ZBBX: variants seen among roughly 807,000 people sequenced by gnomAD.
ZBBX encodes the protein zinc finger B-box domain containing.
Under a neutral mutation model 108.5 loss-of-function variants are expected in ZBBX, and 101 were observed. The observed-to-expected ratio is 0.93, with a 90% CI of 0.79 to 1.10. The LOEUF is 1.10. ZBBX is among the 50% of genes least tolerant of loss of function. The pLI is 0.00. For synonymous variants in ZBBX, 356 were observed against 323.4 expected (o/e 1.10, Z -1.08); for missense variants, 1,009 against 941.4 (o/e 1.07, Z -0.94).
At chr3:167,257,872 T>C (rs1723803095) in intron 20 of ZBBX, among the ~76,000 whole-genome samples, 1 of 152,148 alleles carries the variant, frequency 6.6e-6, no homozygotes, top group Admixed American at 6.6e-5. Flanking sequence ...ACTGATTTGT[T>C]TGAGTTCATT....
intron 6 of ZBBX, among the ~76,000 whole-genome samples, chr3:167,363,916 T>C (rs1424204107): frequency 6.6e-6 from 1 of 152,136 alleles, no homozygotes; most frequent in African/African-American, 2.4e-5. Flanking sequence ...TAGGTATCAT[T>C]ACAAAGTGGT....
chr3:167,273,673 T>C (rs1253384669), intron 20 of ZBBX, among the ~76,000 whole-genome samples: 1 of 152,082 alleles, frequency 6.6e-6, no homozygotes, highest in East Asian at 1.9e-4. Flanking sequence ...TACTGGACAC[T>C]CTGCCAGGTA....
At chr3:167,377,084 A>G (rs891960571) in intron 2 of ZBBX, among the ~76,000 whole-genome samples, 7 of 152,160 alleles carry the variant, frequency 4.6e-5, no homozygotes, top group African/African-American at 1.7e-4. Context: ...ATTTCTAGTT[A>G]CCTGATTTAT....
At chr3:167,230,215 T>C in the ZBBX span, among the ~76,000 whole-genome samples, 1 of 151,840 alleles carries the variant, frequency 6.6e-6, no homozygotes, top group Non-Finnish European at 1.5e-5. Context: ...GTGCTCAACA[T>C]ATGATATGGA....
At chr3:167,372,264 G>C (rs926885627) in intron 4 of ZBBX, among the ~76,000 whole-genome samples, 4 of 151,946 alleles carry the variant, frequency 2.6e-5, no homozygotes, top group African/African-American at 9.7e-5. Context: ...TGATATTGAA[G>C]AGGAAAGCCC....
the ZBBX span, among the ~76,000 whole-genome samples, chr3:167,195,905 C>G: frequency 6.6e-6 from 1 of 152,170 alleles, no homozygotes; most frequent in Non-Finnish European, 1.5e-5. Context: ...TTTATCTTCT[C>G]TGTGTTAAAT....
intron 1 of ZBBX, among the ~76,000 whole-genome samples, chr3:167,390,686 T>C (rs1352380956): frequency 6.6e-6 from 1 of 152,254 alleles, no homozygotes; most frequent in East Asian, 1.9e-4. Context: ...TTTGTAGTTT[T>C]CATTGAAGAG....
intron 16 of ZBBX, among the ~76,000 whole-genome samples, chr3:167,312,719 CT>C (rs1481334413): frequency 1.3e-5 from 2 of 152,190 alleles, no homozygotes; most frequent in African/African-American, 4.8e-5. Flanking sequence ...CTATACTCAT[CT>C]TCAGGACAAG....
chr3:167,250,034 A>G (rs1055910090), intron 20 of ZBBX, among the ~76,000 whole-genome samples: 1 of 152,170 alleles, frequency 6.6e-6, no homozygotes, highest in African/African-American at 2.4e-5. Context: ...TGGAAAGGCT[A>G]AGAGCGGCCT....
At chr3:167,218,478 G>T in the ZBBX span, among the ~76,000 whole-genome samples, 20 of 151,968 alleles carry the variant, frequency 1.3e-4, no homozygotes, top group Non-Finnish European at 5.9e-5. Flanking sequence ...AAATGCCAGG[G>T]AATTGCCTTA....
chr3:167,372,278 G>A (rs1473017501), intron 4 of ZBBX, among the ~76,000 whole-genome samples: 1 of 152,054 alleles, frequency 6.6e-6, no homozygotes, highest in Non-Finnish European at 1.5e-5. Context: ...AAAGCCCTAA[G>A]TATTTCCAGT....
the ZBBX span, among the ~76,000 whole-genome samples, chr3:167,187,100 G>A: frequency 0.013 from 2,032 of 152,178 alleles, 22 homozygotes; most frequent in South Asian, 0.026. Flanking sequence ...GTTTGCTACC[G>A]TAGACCCAAG....
At chr3:167,300,529 C>G (rs1732458411) in intron 17 of ZBBX, among the ~76,000 whole-genome samples, 1 of 151,974 alleles carries the variant, frequency 6.6e-6, no homozygotes, top group African/African-American at 2.4e-5. Context: ...ATATTTTATA[C>G]TGAGCAATGG....
intron 15 of ZBBX, 24 bp downstream of exon 15, chr3:167,315,726 C>T (rs920986027): frequency 6.4e-7 from 1 of 1,570,704 alleles, no homozygotes; most frequent in Non-Finnish European, 8.7e-7. Flanking sequence ...AATATGCACA[C>T]AAAGTTAATT....
chr3:167,213,919 T>C, the ZBBX span, among the ~76,000 whole-genome samples: 14 of 152,236 alleles, frequency 9.2e-5, no homozygotes, highest in Non-Finnish European at 1.9e-4. Context: ...CCAAGAATCT[T>C]ATATCCAGCC....
At chr3:167,399,624 T>C (rs774230118) in intron 1 of ZBBX, 1 of 152,148 alleles carries the variant, frequency 6.6e-6, no homozygotes, top group Non-Finnish European at 1.5e-5. Context: ...GACCTTAGCA[T>C]GTGCAAGGTC....
intron 11 of ZBBX, among the ~76,000 whole-genome samples, chr3:167,323,915 A>C (rs1342173135): frequency 6.6e-6 from 1 of 152,136 alleles, no homozygotes; most frequent in East Asian, 1.9e-4. Flanking sequence ...CCTTTCACAT[A>C]GAAGGAAATG....
Position 167,359,935 on chromosome 3 carries a change from C to G in ZBBX, c.367G>C (p.Glu123Gln), listed in dbSNP as rs752684774. The change falls in exon 8 of 22, where the codon GAA becomes CAA. Residue 123 changes from glutamate to glutamine, a missense_variant. Transcript: ENST00000675490. Reference protein sequence around the residue: ...TVNYKMANSSECEKPKINGKV... With the variant: ...TVNYKMANSSQCEKPKINGKV... The stretch of plus-strand genomic sequence containing the variant: ...CCATTTATCTTGGGTTTTTCACATT[C>G]TGAAGAATTTGCCATTTTATAATTA... The G allele has an allele frequency of 1.4e-5, 23 of 1,591,656 alleles. No homozygotes were observed. Among genetic ancestry groups the G allele is most frequent in the Non-Finnish European group, 4.3e-6 (5 of 1,167,748 alleles).
chr3:167,386,077 G>A (rs1327632012), intron 1 of ZBBX, among the ~76,000 whole-genome samples: 1 of 151,968 alleles, frequency 6.6e-6, no homozygotes, highest in African/African-American at 2.4e-5. Context: ...ATAAGAGATT[G>A]AGATTGAGAG....
Sources: gnomAD v4.1 joint callset for allele counts (sites outside exome capture counted in the v4.1 genomes callset) on GRCh38, gnomAD v4.1.1 for gene constraint, MANE v1.5 for transcripts, NCBI Gene and HGNC (gene_info 2026-07-23, HGNC 2026-07-21) for gene names.